SCFD2: variants seen among roughly 807,000 people sequenced by gnomAD.
The protein encoded by SCFD2 is sec1 family domain containing 2.
In SCFD2, 54 loss-of-function variants were observed where a neutral mutation model predicts 58.9. The ratio of observed to expected loss-of-function variants is 0.92; its 90% CI spans 0.74 to 1.15. SCFD2 has a LOEUF of 1.15. Ranked by LOEUF, SCFD2 falls within the 50% of genes most tolerant of loss-of-function variation. The probability of loss-of-function intolerance (pLI) is 0.00; values close to 1 mark genes in which losing one functional copy is unlikely to be tolerated. For synonymous variants in SCFD2, 321 were observed against 335.9 expected (o/e 0.96, Z 0.49); for missense variants, 805 against 836.6 (o/e 0.96, Z 0.47).
chr4:53,281,141 G>A (rs1272104425), intron 3 of SCFD2, among the ~76,000 whole-genome samples: 2 of 152,216 alleles, frequency 1.3e-5, no homozygotes, highest in Non-Finnish European at 1.5e-5. Context: ...ACCTCAACTC[G>A]TCTTATACCT....
intron 2 of SCFD2, among the ~76,000 whole-genome samples, chr4:53,320,008 G>C (rs1395587474): frequency 6.6e-6 from 1 of 152,110 alleles, no homozygotes; most frequent in Non-Finnish European, 1.5e-5. Flanking sequence ...TCCCCTTACA[G>C]TTATTACTAA....
rs182537006 is a variant in SCFD2 at position 53,244,400 on chromosome 4, A to T, written c.1311+29426T>A. ...AAAATCATACCAACCAGTCTCTCAG[A>T]CCACAGTATAATAAAAGTAGAATTC... On this transcript the variant is annotated intron_variant, in intron 4 of 8. Transcript: ENST00000401642. Among the ~76,000 whole-genome samples the T allele has an allele frequency of 9.2e-5, 14 of 152,276 alleles. No homozygotes were observed. The East Asian group carries it at 2.5e-3, about 27-fold the overall frequency.
intron 5 of SCFD2, among the ~76,000 whole-genome samples, chr4:53,023,103 G>A (rs530282506): frequency 3.9e-5 from 6 of 152,180 alleles, no homozygotes; most frequent in African/African-American, 9.7e-5. Flanking sequence ...TGCATAGAGA[G>A]TTTAGGAAAT....
chr4:52,885,962 A>C, intron 7 of SCFD2, 96 bp from the exon 8 acceptor site: 22 of 1,477,572 alleles, frequency 1.5e-5, no homozygotes, highest in Non-Finnish European at 1.9e-5. Flanking sequence ...TAGAAACCTC[A>C]GGACTACTAC....
intron 5 of SCFD2, among the ~76,000 whole-genome samples, chr4:53,114,311 C>T (rs1349716550): frequency 6.6e-6 from 1 of 152,082 alleles, no homozygotes; most frequent in Non-Finnish European, 1.5e-5. Flanking sequence ...TATATATCTC[C>T]AAAACAGATG....
chr4:52,961,130 C>T (rs1450108339), intron 5 of SCFD2, among the ~76,000 whole-genome samples: 3 of 152,174 alleles, frequency 2.0e-5, no homozygotes, highest in African/African-American at 7.2e-5. Context: ...CCTCAGCTCC[C>T]GTGATTCAGA....
chr4:52,997,386 TTTCCGTGGCA>T (rs1472059580), intron 5 of SCFD2, among the ~76,000 whole-genome samples: 1 of 152,208 alleles, frequency 6.6e-6, no homozygotes, highest in East Asian at 1.9e-4. Flanking sequence ...CAACTGGAAC[TTTCCGTGGCA>T]GGAATAGAAA....
At chr4:52,890,627 C>T (rs1718859124) in intron 7 of SCFD2, among the ~76,000 whole-genome samples, 1 of 152,220 alleles carries the variant, frequency 6.6e-6, no homozygotes, top group Non-Finnish European at 1.5e-5. Flanking sequence ...ACTGCAATTG[C>T]AAATGCACAG....
At chr4:53,078,440 G>T (rs1391184410) in intron 5 of SCFD2, among the ~76,000 whole-genome samples, 1 of 152,126 alleles carries the variant, frequency 6.6e-6, no homozygotes, top group Admixed American at 6.6e-5. Context: ...CAATTTTAAA[G>T]ATTTCACTTT....
chr4:53,302,766 G>C (rs1209160562), intron 3 of SCFD2, among the ~76,000 whole-genome samples: 1 of 152,090 alleles, frequency 6.6e-6, no homozygotes, highest in African/African-American at 2.4e-5. Flanking sequence ...TAGACCAATG[G>C]AACAGAACAG....
chr4:52,984,127 T>C (rs557099988), intron 5 of SCFD2, among the ~76,000 whole-genome samples: 36 of 152,350 alleles, frequency 2.4e-4, no homozygotes, highest in Admixed American at 9.8e-4. Context: ...AGCCTACTCA[T>C]TGCCCCTGCC....
At chr4:52,931,980 A>G (rs1720007949) in intron 5 of SCFD2, among the ~76,000 whole-genome samples, 1 of 152,162 alleles carries the variant, frequency 6.6e-6, no homozygotes, top group Non-Finnish European at 1.5e-5. Flanking sequence ...GGGCTCCCCA[A>G]AGAAGACCAC....
intron 8 of SCFD2, among the ~76,000 whole-genome samples, chr4:52,875,870 A>G (rs1288626882): frequency 1.6e-5 from 2 of 122,028 alleles, no homozygotes; most frequent in Non-Finnish European, 3.4e-5. Flanking sequence ...AATGTCAGCC[A>G]AGTCATATTT....
intron 4 of SCFD2, among the ~76,000 whole-genome samples, chr4:53,180,923 C>T (rs1001661341): frequency 1.3e-5 from 2 of 152,108 alleles, no homozygotes; most frequent in Non-Finnish European, 2.9e-5. Flanking sequence ...ATAAATTCCT[C>T]GACAAATACA....
intron 2 of SCFD2, among the ~76,000 whole-genome samples, chr4:53,349,642 C>A (rs780345949): frequency 5.3e-5 from 8 of 152,190 alleles, no homozygotes; most frequent in African/African-American, 7.2e-5. Flanking sequence ...ATTGGCTTAG[C>A]CTTGGTCTAA....
chr4:53,136,070 A>T (rs989622069), intron 5 of SCFD2, among the ~76,000 whole-genome samples: 1 of 152,250 alleles, frequency 6.6e-6, no homozygotes, highest in Admixed American at 6.5e-5. Context: ...TCACAACTGT[A>T]TCTACAAATA....
chr4:53,239,479 T>G (rs1342525871), intron 4 of SCFD2, among the ~76,000 whole-genome samples: 1 of 151,412 alleles, frequency 6.6e-6, no homozygotes, highest in Non-Finnish European at 1.5e-5. Context: ...CCCAATCTTT[T>G]AAGTCAAAGT....
At chr4:53,277,374 A>G (rs1731359111) in intron 3 of SCFD2, among the ~76,000 whole-genome samples, 1 of 152,254 alleles carries the variant, frequency 6.6e-6, no homozygotes, top group Non-Finnish European at 1.5e-5. Context: ...ATTTATTTAT[A>G]TAAACACTGT....
At chr4:52,971,845 G>C (rs1438383991) in intron 5 of SCFD2, among the ~76,000 whole-genome samples, 1 of 152,198 alleles carries the variant, frequency 6.6e-6, no homozygotes, top group Non-Finnish European at 1.5e-5. Context: ...AGCCAGAAGA[G>C]AGTGGGGGCC....
Sources: gnomAD v4.1 joint callset for allele counts (sites outside exome capture counted in the v4.1 genomes callset) on GRCh38, gnomAD v4.1.1 for gene constraint, MANE v1.5 for transcripts, NCBI Gene and HGNC (gene_info 2026-07-23, HGNC 2026-07-21) for gene names.